BAZ2B: variants seen among roughly 807,000 people sequenced by gnomAD.
The protein encoded by BAZ2B is bromodomain adjacent to zinc finger domain protein 2B.
BAZ2B carries 91 observed loss-of-function variants against 246.0 expected under a neutral mutation model. The ratio of observed to expected loss-of-function variants is 0.37; its 90% CI spans 0.31 to 0.44. The LOEUF is 0.44. Ranked by LOEUF, BAZ2B falls within the 20% of genes least tolerant of loss-of-function variation. The pLI, the probability that BAZ2B is intolerant of heterozygous loss-of-function variation, is 1.00. For synonymous variants in BAZ2B, 855 were observed against 860.0 expected, an observed-to-expected ratio of 0.99 and a Z score of 0.10; for missense variants, 2,332 against 2,533.7, an observed-to-expected ratio of 0.92 and a Z score of 1.71.
Position 159,387,954 on chromosome 2 carries a change from T to C in BAZ2B, c.3217-1347A>G, listed in dbSNP as rs2062833361. 3.3e-5 allele frequency among the ~76,000 whole-genome samples: 5 copies of C among 152,054 alleles called. No homozygotes were observed. The South Asian group carries it at 1.0e-3, about 31-fold the overall frequency. On this transcript the variant is annotated intron_variant, in intron 21 of 36. Transcript: ENST00000392783. ...GAAGCATTTATGCTAAGTAAATAAA[T>C]AGAATATTAATATAGTTCAATCCAT...
chr2:159,672,169 AAAT>A, the BAZ2B span, among the ~76,000 whole-genome samples: 1 of 152,216 alleles, frequency 6.6e-6, no homozygotes, highest in African/African-American at 2.4e-5. Context: ...AGTTGCAACA[AAAT>A]AATAATTTTG....
At chr2:159,398,952 A>G in intron 17 of BAZ2B, 58 bp from the exon 18 acceptor site, 1 of 1,498,822 alleles carries the variant, frequency 6.7e-7, no homozygotes, top group Non-Finnish European at 9.2e-7. Context: ...ACTTGCAAAT[A>G]ATGTCAGACT....
upstream of BAZ2B, chr2:159,616,568 TCTCTCTCTCTC>T (rs1465936000): frequency 2.0e-5 from 3 of 152,110 alleles, no homozygotes; most frequent in East Asian, 5.8e-4. Flanking sequence ...CAACAAGGCT[TCTCTCTCTCTC>T]CTCTCTCTAA....
chr2:159,697,631 T>C, the BAZ2B span, among the ~76,000 whole-genome samples: 1 of 152,172 alleles, frequency 6.6e-6, no homozygotes, highest in African/African-American at 2.4e-5. Context: ...ATTTTGGCTT[T>C]TTTTGCACTT....
intron 27 of BAZ2B, among the ~76,000 whole-genome samples, chr2:159,365,944 C>A (rs888631): frequency 0.1 from 15,762 of 152,204 alleles, 1,272 homozygotes; most frequent in African/African-American, 0.23. Context: ...AGCGATCCCA[C>A]ACAATGACAG....
At chr2:159,679,271 CAAAA>C in the BAZ2B span, among the ~76,000 whole-genome samples, 4 of 64,466 alleles carry the variant, frequency 6.2e-5, no homozygotes, top group South Asian at 1.5e-3. Flanking sequence ...GACTTCATCT[CAAAA>C]AAAAAAAAAA....
intron 3 of BAZ2B, among the ~76,000 whole-genome samples, chr2:159,472,084 T>C (rs928462537): frequency 6.6e-6 from 1 of 152,100 alleles, no homozygotes; most frequent in Non-Finnish European, 1.5e-5. Flanking sequence ...AACTTCTTTT[T>C]AGTGAGCATG....
intron 2 of BAZ2B, among the ~76,000 whole-genome samples, chr2:159,529,577 C>T (rs1326909840): frequency 6.6e-6 from 1 of 152,164 alleles, no homozygotes; most frequent in Non-Finnish European, 1.5e-5. Context: ...TCTTCAGTAG[C>T]CAATCTGTAA....
chr2:159,572,536 T>G (rs1341608925), intron 1 of BAZ2B, among the ~76,000 whole-genome samples: 1 of 152,224 alleles, frequency 6.6e-6, no homozygotes, highest in Non-Finnish European at 1.5e-5. Context: ...TCAATACATT[T>G]ATTTTGGATA....
intron 1 of BAZ2B, among the ~76,000 whole-genome samples, chr2:159,561,807 G>A (rs115994837): frequency 6.6e-6 from 1 of 152,174 alleles, no homozygotes; most frequent in Admixed American, 6.5e-5. Context: ...CAATAAAACT[G>A]CTCCAAATTG....
intron 36 of BAZ2B, among the ~76,000 whole-genome samples, chr2:159,321,188 C>G (rs138937767): frequency 4.6e-4 from 70 of 152,272 alleles, no homozygotes; most frequent in African/African-American, 1.7e-3. Context: ...CATTTCAAAC[C>G]AACTCAAGCC....
chr2:159,315,466 G>A (rs144385515), downstream of BAZ2B, among the ~76,000 whole-genome samples: 328 of 152,286 alleles, frequency 2.2e-3, 3 homozygotes, highest in African/African-American at 7.6e-3. Context: ...TTTAACTTGG[G>A]CTAAAGGATC....
intron 27 of BAZ2B, among the ~76,000 whole-genome samples, chr2:159,363,433 C>T (rs1020415665): frequency 2.0e-5 from 3 of 152,168 alleles, no homozygotes. Flanking sequence ...CAGAGCAGGT[C>T]CTCCTAAGTG....
the BAZ2B span, among the ~76,000 whole-genome samples, chr2:159,656,334 C>A: frequency 1.6e-4 from 25 of 152,208 alleles, no homozygotes; most frequent in African/African-American, 5.3e-4. Flanking sequence ...AATACTGACA[C>A]ATTATTAACT....
intron 1 of BAZ2B, among the ~76,000 whole-genome samples, chr2:159,594,512 C>T (rs892868415): frequency 9.2e-5 from 14 of 152,162 alleles, no homozygotes; most frequent in Non-Finnish European, 1.6e-4. Context: ...TAATTTAATA[C>T]ATTCTAATTT....
the BAZ2B span, among the ~76,000 whole-genome samples, chr2:159,638,702 G>C: frequency 6.9e-6 from 1 of 144,592 alleles, no homozygotes; most frequent in African/African-American, 2.4e-5. Flanking sequence ...TACAAAGTCA[G>C]AGGAGACAAA....
intron 3 of BAZ2B, among the ~76,000 whole-genome samples, chr2:159,475,588 T>C (rs1439587897): frequency 6.6e-6 from 1 of 152,220 alleles, no homozygotes; most frequent in Non-Finnish European, 1.5e-5. Flanking sequence ...CCAGTTTTGT[T>C]ATCTTGCTGG....
intron 27 of BAZ2B, among the ~76,000 whole-genome samples, chr2:159,350,918 GA>G (rs2058487005): frequency 7.1e-6 from 1 of 140,972 alleles, no homozygotes; most frequent in African/African-American, 2.5e-5. Context: ...CCGGTGGGGG[GA>G]GGGGGGAGGG....
chr2:159,585,553 G>T (rs1198654981), intron 1 of BAZ2B, among the ~76,000 whole-genome samples: 1 of 152,174 alleles, frequency 6.6e-6, no homozygotes, highest in Non-Finnish European at 1.5e-5. Flanking sequence ...CAACTGGATT[G>T]GATAAGAAGT....
Sources: gnomAD v4.1 joint callset for allele counts (sites outside exome capture counted in the v4.1 genomes callset) on GRCh38, gnomAD v4.1.1 for gene constraint, MANE v1.5 for transcripts, NCBI Gene and HGNC (gene_info 2026-07-23, HGNC 2026-07-21) for gene names.